PDZRN3: variants seen among roughly 807,000 people sequenced by gnomAD.
The protein encoded by PDZRN3 is E3 ubiquitin-protein ligase PDZRN3.
Under a neutral mutation model 85.7 loss-of-function variants are expected in PDZRN3, and 38 were observed. The ratio of observed to expected loss-of-function variants is 0.44; its 90% CI spans 0.34 to 0.58. The LOEUF is 0.58. Ranked by LOEUF, PDZRN3 falls within the 20% of genes least tolerant of loss-of-function variation. The pLI, the probability that PDZRN3 is intolerant of heterozygous loss-of-function variation, is 0.01. For synonymous variants in PDZRN3, 759 were observed against 638.0 expected (o/e 1.19, Z -2.86); for missense variants, 1,629 against 1,506.4 (o/e 1.08, Z -1.35).
chr3:73,392,880 T>C (rs1255285917), intron 5 of PDZRN3, among the ~76,000 whole-genome samples: 1 of 152,186 alleles, frequency 6.6e-6, no homozygotes, highest in Non-Finnish European at 1.5e-5. Context: ...GGTTTCCAAA[T>C]ACTTTGGAAT....
chr3:73,388,059 A>G lies in PDZRN3; in HGVS notation c.1427T>C (p.Ile476Thr). 8.0e-7 allele frequency: 1 copy of G among 1,254,988 alleles called. No individual in the cohort carries two copies. The highest frequency in any genetic ancestry group is 1.1e-6 in the Non-Finnish European group (1 of 929,022). 77.7% of individuals were successfully genotyped at this position (1,254,988 alleles called of 1,614,324 possible). The change falls in exon 8 of 10, where the codon ATA becomes ACA. Residue 476 changes from isoleucine to threonine, a missense_variant. By Grantham distance (89) the Ile-to-Thr change is moderately conservative. Transcript: ENST00000263666. Reference protein sequence around the residue: ...EGDRIIQINGIEVQNREEAVA... With the variant: ...EGDRIIQINGTEVQNREEAVA... ...AGCCTCTTCACGGTTCTGCACCTCTATCCCATTAATCTTTTAAAAAAAAAG... is the reference window on the plus strand; with the variant it reads ...AGCCTCTTCACGGTTCTGCACCTCTGTCCCATTAATCTTTTAAAAAAAAAG...
chr3:73,590,950 G>C (rs1702349362), intron 3 of PDZRN3, among the ~76,000 whole-genome samples: 1 of 152,122 alleles, frequency 6.6e-6, no homozygotes, highest in Admixed American at 6.5e-5. Context: ...TGATCCTTAT[G>C]CAATTCCCAT....
At chr3:73,387,033 T>C (rs1701409371) in intron 8 of PDZRN3, among the ~76,000 whole-genome samples, 1 of 152,252 alleles carries the variant, frequency 6.6e-6, no homozygotes, top group Non-Finnish European at 1.5e-5. Flanking sequence ...ATAAGTCTCA[T>C]GAGATCTGAT....
At chr3:73,441,213 G>C (rs941045759) in intron 3 of PDZRN3, among the ~76,000 whole-genome samples, 8 of 151,990 alleles carry the variant, frequency 5.3e-5, no homozygotes, top group Non-Finnish European at 1.0e-4. Flanking sequence ...GGCAGATAGA[G>C]ACCATCCTGG....
At position 73,408,932 on chromosome 3, in the gene PDZRN3, C is replaced by T. The variant is rs553333088; in HGVS notation, c.919-4537G>A. On this transcript the variant is annotated intron_variant, in intron 3 of 9. Coordinates refer to ENST00000263666, the MANE Select transcript of PDZRN3 (RefSeq NM_015009.3). ...TGGTGATGATGGCTGTGATTATAGACGGGATGCACCCAGTGACGTTTGGCC... is the reference window on the plus strand; with the variant it reads ...TGGTGATGATGGCTGTGATTATAGATGGGATGCACCCAGTGACGTTTGGCC... 2.1e-3 allele frequency among the ~76,000 whole-genome samples: 317 copies of T among 152,058 alleles called. 1 individual carries two copies. Among genetic ancestry groups the T allele is most frequent in the Middle Eastern group, 0.01 (3 of 294 alleles).
chr3:73,397,223 A>G (rs1396123476), intron 5 of PDZRN3, among the ~76,000 whole-genome samples: 1 of 151,930 alleles, frequency 6.6e-6, no homozygotes, highest in African/African-American at 2.4e-5. Flanking sequence ...TTCTCTGTGC[A>G]TTTGCTTTAA....
At chr3:73,600,546 C>CT (rs1702501793) in intron 3 of PDZRN3, among the ~76,000 whole-genome samples, 1 of 152,118 alleles carries the variant, frequency 6.6e-6, no homozygotes, top group Non-Finnish European at 1.5e-5. Context: ...TGTGGTCATC[C>CT]TTCTTTCCAT....
At chr3:73,427,434 A>AC (rs374418756) in intron 3 of PDZRN3, among the ~76,000 whole-genome samples, 2 of 144,678 alleles carry the variant, frequency 1.4e-5, no homozygotes, top group Non-Finnish European at 1.5e-5. Flanking sequence ...TGCATTACCC[A>AC]CCCCCCCACC....
At chr3:73,617,105 C>T (rs1250702420) in intron 1 of PDZRN3, among the ~76,000 whole-genome samples, 1 of 152,164 alleles carries the variant, frequency 6.6e-6, no homozygotes, top group African/African-American at 2.4e-5. Context: ...TAGCAAAATA[C>T]TAGGGGTGAT....
At chr3:73,615,925 A>G (rs1264770552) in intron 1 of PDZRN3, among the ~76,000 whole-genome samples, 2 of 152,194 alleles carry the variant, frequency 1.3e-5, no homozygotes, top group East Asian at 3.8e-4. Flanking sequence ...ATCTCTGTTG[A>G]TATCTAATTC....
intron 3 of PDZRN3, among the ~76,000 whole-genome samples, chr3:73,472,839 A>G (rs1703372532): frequency 6.6e-6 from 1 of 152,254 alleles, no homozygotes; most frequent in Non-Finnish European, 1.5e-5. Flanking sequence ...CAAAAGTTTA[A>G]TATGTGTGCT....
At chr3:73,570,114 C>T (rs977918975) in intron 3 of PDZRN3, among the ~76,000 whole-genome samples, 1 of 152,320 alleles carries the variant, frequency 6.6e-6, no homozygotes, top group Non-Finnish European at 1.5e-5. Context: ...CTGCCTGGCT[C>T]TGTCCTACTA....
intron 3 of PDZRN3, among the ~76,000 whole-genome samples, chr3:73,593,207 G>A (rs867058682): frequency 1.6e-4 from 24 of 151,918 alleles, no homozygotes; most frequent in African/African-American, 5.1e-4. Flanking sequence ...CTGTATTATT[G>A]TCAAGAATTT....
intron 8 of PDZRN3, 46 bp downstream of exon 8, chr3:73,387,922 A>G (rs774187898): frequency 1.7e-5 from 16 of 916,724 alleles, no homozygotes; most frequent in Non-Finnish European, 1.5e-5. Flanking sequence ...GGATCTTTTG[A>G]TTTTAGAAAT....
chr3:73,558,778 G>T (rs1344987132), intron 3 of PDZRN3, among the ~76,000 whole-genome samples: 4 of 152,220 alleles, frequency 2.6e-5, no homozygotes, highest in Admixed American at 2.0e-4. Flanking sequence ...TAAATATGCT[G>T]TGTAAGCTTT....
At chr3:73,569,430 TGTCACG>T in intron 3 of PDZRN3, 3 of 1,147,956 alleles carry the variant, frequency 2.6e-6, no homozygotes, top group African/African-American at 1.6e-5. Flanking sequence ...GTCTCTTCCA[TGTCACG>T]TTCTCTTAAG....
chr3:73,511,605 T>C (rs1326448102), intron 3 of PDZRN3, among the ~76,000 whole-genome samples: 2 of 152,244 alleles, frequency 1.3e-5, no homozygotes, highest in Non-Finnish European at 2.9e-5. Context: ...GGAACAGATC[T>C]GGGGATGGAG....
At chr3:73,481,344 A>T (rs1359254829) in intron 3 of PDZRN3, among the ~76,000 whole-genome samples, 2 of 152,156 alleles carry the variant, frequency 1.3e-5, no homozygotes, top group Non-Finnish European at 2.9e-5. Flanking sequence ...TGAGGGCAGG[A>T]TTCTTTTTTT....
rs1424025740 is a variant in PDZRN3 at position 73,592,090 on chromosome 3, C to T, written c.918+10264G>A. The stretch of plus-strand genomic sequence containing the variant: ...AACAAGTCACAACAATTATACAGAT[C>T]ATGCTATATAAATCATCCCCTATCC... On this transcript the variant is annotated intron_variant, in intron 3 of 9. Coordinates refer to ENST00000263666, the MANE Select transcript of PDZRN3 (RefSeq NM_015009.3). 2.0e-5 allele frequency among the ~76,000 whole-genome samples: 3 copies of T among 152,186 alleles called. No individual in the cohort carries two copies. The East Asian group carries it at 5.8e-4, about 29-fold the overall frequency.
Sources: allele counts gnomAD v4.1 joint callset (sites outside exome capture counted in the v4.1 genomes callset), GRCh38; gene constraint gnomAD v4.1.1; transcripts MANE v1.5; gene names NCBI Gene and HGNC (gene_info 2026-07-23, HGNC 2026-07-21).